Variants in PTPRD observed in about 807,000 individuals in gnomAD.
PTPRD encodes the protein receptor-type tyrosine-protein phosphatase delta.
Under a neutral mutation model 214.5 loss-of-function variants are expected in PTPRD, and 34 were observed. The ratio of observed to expected loss-of-function variants is 0.16; its 90% CI spans 0.12 to 0.21. PTPRD has a LOEUF of 0.21. Among genes scored for constraint, PTPRD ranks in the 10% least tolerant of loss-of-function variants. The pLI is 1.00. For missense variants in PTPRD, 2,545 were observed against 2,398.7 expected (o/e 1.06, Z -1.27); for synonymous variants, 1,128 against 845.7 (o/e 1.33, Z -5.79).
At chr9:8,320,544 G>C (rs940952194) in intron 44 of PTPRD, among the ~76,000 whole-genome samples, 6 of 149,486 alleles carry the variant, frequency 4.0e-5, no homozygotes, top group African/African-American at 1.5e-4. Context: ...TCTTCAGGAG[G>C]GTTTATGACT....
chr9:9,989,016 CAAAAAAAAAAAA>C lies in PTPRD; in HGVS notation c.-472+44690_-472+44701del, dbSNP rs397836899. The stretch of plus-strand genomic sequence containing the variant: ...CAGAAGAGCCCTTAGTTTCACTGAC[CAAAAAAAAAAAA>C]AAAAAAAAAAAAAAAAACCACAGAC... On this transcript the variant is annotated intron_variant, in intron 4 of 45. Transcript: ENST00000381196. Among the ~76,000 whole-genome samples, 14 of 36,286 alleles carry C rather than the reference CAAAAAAAAAAAA, an allele frequency of 3.9e-4. No homozygotes were observed. The South Asian group carries it at 0.016, about 41-fold the overall frequency. The allele number at this position is 36,286 out of a possible 152,430, so 23.8% of individuals were successfully genotyped here. A position where few individuals can be genotyped will look rare whatever the true frequency, so the allele number is the denominator to read the frequency against.
chr9:10,389,011 T>A (rs181853711), intron 2 of PTPRD, among the ~76,000 whole-genome samples: 14 of 151,942 alleles, frequency 9.2e-5, no homozygotes, highest in African/African-American at 2.9e-4. Context: ...TTATAAGAGA[T>A]CCCATTGGAG....
chr9:8,343,738 C>A lies in PTPRD; in HGVS notation c.4662-1760G>T, dbSNP rs73410552. ...GCATACATCTTGAGAGCAGGAACTG[C>A]ATTAAAAAAAATATTTGTGTGCCCT... On this transcript the variant is annotated intron_variant, in intron 39 of 45. Transcript: ENST00000381196. Among the ~76,000 whole-genome samples the A allele has an allele frequency of 1.6e-4, 24 of 152,036 alleles. No individual in the cohort carries two copies. The East Asian group carries it at 4.3e-3, about 27-fold the overall frequency.
intron 8 of PTPRD, among the ~76,000 whole-genome samples, chr9:9,427,152 C>A (rs2081276890): frequency 6.6e-6 from 1 of 152,064 alleles, no homozygotes; most frequent in African/African-American, 2.4e-5. Context: ...TACAAAGAAG[C>A]TAAAAACCTT....
intron 11 of PTPRD, among the ~76,000 whole-genome samples, chr9:9,000,655 A>T (rs1314221277): frequency 6.6e-6 from 1 of 152,004 alleles, no homozygotes; most frequent in Non-Finnish European, 1.5e-5. Flanking sequence ...CAAACATTTC[A>T]GCATAATTGA....
chr9:9,613,906 G>C (rs532218680), intron 7 of PTPRD, among the ~76,000 whole-genome samples: 11 of 152,220 alleles, frequency 7.2e-5, no homozygotes, highest in Non-Finnish European at 1.0e-4. Flanking sequence ...ATCAATGGGA[G>C]TTTTGGAGAC....
intron 8 of PTPRD, among the ~76,000 whole-genome samples, chr9:9,459,680 G>C (rs1223741802): frequency 6.6e-6 from 1 of 151,834 alleles, no homozygotes; most frequent in Non-Finnish European, 1.5e-5. Context: ...AAAACACTGA[G>C]GAAAGAAATC....
rs1182799154 is a variant in PTPRD, at chr9:10,194,345, TAG to T, written c.-545+146616_-545+146617del. Among the ~76,000 whole-genome samples, 213 of 39,516 alleles carry T rather than the reference TAG, an allele frequency of 5.4e-3. 1 individual carries two copies. Among genetic ancestry groups the T allele is most frequent in the Middle Eastern group, 0.015 (1 of 66 alleles). The allele number at this position is 39,516 out of a possible 152,430, so 25.9% of individuals were successfully genotyped here. Reference sequence around the variant, plus strand: ...ATATATATATATATATATATATATATAGAGAGAGAGAGAGAGAGAGAGAGAGA... The same window carrying T: ...ATATATATATATATATATATATATATAGAGAGAGAGAGAGAGAGAGAGAGA... On this transcript the variant is annotated intron_variant, in intron 3 of 45. Coordinates refer to ENST00000381196, the MANE Select transcript of PTPRD (RefSeq NM_002839.4).
intron 14 of PTPRD, among the ~76,000 whole-genome samples, chr9:8,581,781 A>G (rs376097366): frequency 1.4e-5 from 2 of 140,786 alleles, no homozygotes; most frequent in South Asian, 2.5e-4. Flanking sequence ...AAGGGAAGGG[A>G]AGGGGAGGGG....
intron 11 of PTPRD, among the ~76,000 whole-genome samples, chr9:8,827,790 G>C (rs2097205979): frequency 6.6e-6 from 1 of 151,988 alleles, no homozygotes; most frequent in African/African-American, 2.4e-5. Flanking sequence ...TAAAATTTAT[G>C]AATTAAACTA....
At chr9:9,369,094 T>C (rs7856342) in intron 9 of PTPRD, among the ~76,000 whole-genome samples, 29,993 of 151,986 alleles carry the variant, frequency 0.2, 3,369 homozygotes, top group East Asian at 0.34. Flanking sequence ...CATGAACTCA[T>C]CCTTTTTTAT....
intron 2 of PTPRD, among the ~76,000 whole-genome samples, chr9:10,421,433 A>T (rs756011667): frequency 1.3e-5 from 2 of 151,942 alleles, no homozygotes; most frequent in Non-Finnish European, 2.9e-5. Context: ...AGAGATATGA[A>T]TTATACTTCT....
intron 5 of PTPRD, among the ~76,000 whole-genome samples, chr9:9,846,002 G>A (rs2059461653): frequency 6.6e-6 from 1 of 152,034 alleles, no homozygotes; most frequent in East Asian, 1.9e-4. Context: ...AAGGCGGGCA[G>A]GATATTAATC....
chr9:9,231,107 C>G (rs571661459), intron 9 of PTPRD, among the ~76,000 whole-genome samples: 1 of 151,996 alleles, frequency 6.6e-6, no homozygotes, highest in East Asian at 1.9e-4. Flanking sequence ...TTAAAATGCC[C>G]GATTTTCATG....
At chr9:9,400,085 C>A in intron 8 of PTPRD, among the ~76,000 whole-genome samples, 1 of 133,012 alleles carries the variant, frequency 7.5e-6, no homozygotes, top group East Asian at 2.2e-4. Flanking sequence ...CCTAACTTTA[C>A]CTACTAGTTT....
At chr9:9,762,921 C>G (rs2098672374) in intron 6 of PTPRD, among the ~76,000 whole-genome samples, 2 of 152,102 alleles carry the variant, frequency 1.3e-5, no homozygotes, top group Admixed American at 6.6e-5. Flanking sequence ...CTGGGAAGTT[C>G]AATACCAAGG....
At chr9:8,917,477 C>T (rs112131019) in intron 11 of PTPRD, among the ~76,000 whole-genome samples, 3,565 of 151,980 alleles carry the variant, frequency 0.023, 72 homozygotes, top group Middle Eastern at 0.034. Context: ...TGCTCTGGGG[C>T]AAGGAAGCAC....
intron 2 of PTPRD, among the ~76,000 whole-genome samples, chr9:10,410,730 A>G (rs893679365): frequency 2.0e-5 from 3 of 151,798 alleles, no homozygotes; most frequent in African/African-American, 4.8e-5. Context: ...ATTTTTCCCA[A>G]TCTTAACAAG....
At chr9:8,330,881 C>T (rs957866702) in intron 44 of PTPRD, among the ~76,000 whole-genome samples, 22 of 151,944 alleles carry the variant, frequency 1.4e-4, no homozygotes, top group African/African-American at 5.1e-4. Context: ...TGTCAAGTTG[C>T]CAGAACCCTA....
Sources: gnomAD v4.1 joint callset for allele counts (sites outside exome capture counted in the v4.1 genomes callset) on GRCh38, gnomAD v4.1.1 for gene constraint, MANE v1.5 for transcripts, NCBI Gene and HGNC (gene_info 2026-07-23, HGNC 2026-07-21) for gene names.